The following MKLN1 variants were observed in gnomAD, a reference collection of about 807,000 sequenced individuals.
MKLN1 encodes the protein muskelin 1, also known as muskelin.
In MKLN1, 18 loss-of-function variants were observed where a neutral mutation model predicts 99.0. The observed-to-expected ratio is 0.18, with a 90% CI of 0.13 to 0.27. The LOEUF (loss-of-function observed/expected upper bound fraction) is 0.27. MKLN1 is among the 10% of genes least tolerant of loss of function. MKLN1 has a pLI of 1.00. For missense variants in MKLN1, 621 were observed against 875.9 expected, an observed-to-expected ratio of 0.71 and a Z score of 3.67; for synonymous variants, 288 against 293.2, an observed-to-expected ratio of 0.98 and a Z score of 0.18.
chr7:131,414,760 C>A, intron 8 of MKLN1, 50 bp downstream of exon 8: 2 of 1,105,100 alleles, frequency 1.8e-6, no homozygotes, highest in South Asian at 1.6e-5. Flanking sequence ...CTACAGGCAT[C>A]GTCTAAACCA....
intron 3 of MKLN1, among the ~76,000 whole-genome samples, chr7:131,282,591 A>C (rs1236273648): frequency 6.6e-6 from 1 of 152,058 alleles, no homozygotes. Flanking sequence ...AGGAGGAGGG[A>C]TCTGAGCTGG....
intron 2 of MKLN1, among the ~76,000 whole-genome samples, chr7:131,201,273 G>A (rs1440365445): frequency 6.6e-6 from 1 of 152,110 alleles, no homozygotes; most frequent in Non-Finnish European, 1.5e-5. Context: ...ACCTGCCTCG[G>A]CCTCCCAAAG....
At chr7:131,450,765 C>A (rs367901038) in intron 12 of MKLN1, among the ~76,000 whole-genome samples, 210 of 152,234 alleles carry the variant, frequency 1.4e-3, no homozygotes, top group Non-Finnish European at 2.6e-3. Flanking sequence ...AGATCGTTGT[C>A]GCCCAAAATT....
chr7:131,207,448 T>G (rs1287368177), intron 3 of MKLN1, among the ~76,000 whole-genome samples: 2 of 152,174 alleles, frequency 1.3e-5, no homozygotes, highest in Non-Finnish European at 2.9e-5. Context: ...TCCGCCCACC[T>G]CGGCCTCCCA....
chr7:131,158,364 G>A (rs1328054846), intron 2 of MKLN1, among the ~76,000 whole-genome samples: 1 of 152,174 alleles, frequency 6.6e-6, no homozygotes, highest in African/African-American at 2.4e-5. Context: ...AACCTGGGAG[G>A]CAGATGTTGC....
intron 6 of MKLN1, among the ~76,000 whole-genome samples, chr7:131,401,816 T>C (rs76531133): frequency 0.016 from 2,415 of 152,018 alleles, 53 homozygotes; most frequent in African/African-American, 0.054. Flanking sequence ...ATTATTTCTT[T>C]AAAAAAAATG....
intron 6 of MKLN1, among the ~76,000 whole-genome samples, chr7:131,407,424 T>G (rs532429717): frequency 1.1e-4 from 16 of 152,098 alleles, no homozygotes; most frequent in African/African-American, 3.8e-4. Flanking sequence ...CTTTAAAAAA[T>G]TCATTTCTTT....
intron 3 of MKLN1, among the ~76,000 whole-genome samples, chr7:131,260,968 CT>C (rs1277343973): frequency 6.6e-6 from 1 of 152,122 alleles, no homozygotes; most frequent in Non-Finnish European, 1.5e-5. Flanking sequence ...TGGACTCCTT[CT>C]TTATATTGTA....
chr7:131,312,465 A>G (rs75692471), intron 3 of MKLN1, among the ~76,000 whole-genome samples: 74 of 152,342 alleles, frequency 4.9e-4, no homozygotes, highest in Non-Finnish European at 7.3e-4. Context: ...AATTTTTAGA[A>G]AAGTTAATAA....
intron 2 of MKLN1, among the ~76,000 whole-genome samples, chr7:131,192,290 A>G: frequency 2.4e-5 from 2 of 83,580 alleles, no homozygotes; most frequent in African/African-American, 1.1e-4. Flanking sequence ...TATATAATAT[A>G]TACAATATAT....
At chr7:131,197,378 T>TTTATTATTA (rs139892490) in intron 2 of MKLN1, among the ~76,000 whole-genome samples, 26 of 139,264 alleles carry the variant, frequency 1.9e-4, no homozygotes, top group East Asian at 4.2e-4. Context: ...TAATTAAAAT[T>TTTATTATTA]TTATTATTAT....
intron 3 of MKLN1, among the ~76,000 whole-genome samples, chr7:131,295,930 A>T (rs1413495317): frequency 1.3e-5 from 2 of 151,946 alleles, no homozygotes; most frequent in African/African-American, 4.8e-5. Flanking sequence ...ACTTAGCTTC[A>T]TTAGTGCTTA....
chr7:131,439,320 C>T (rs1795760843), intron 10 of MKLN1, among the ~76,000 whole-genome samples: 1 of 151,622 alleles, frequency 6.6e-6, no homozygotes. Flanking sequence ...AAAAGAATAG[C>T]TTAGGAGTAG....
At chr7:131,192,369 A>G (rs1448455796) in intron 2 of MKLN1, among the ~76,000 whole-genome samples, 1 of 110,578 alleles carries the variant, frequency 9.0e-6, no homozygotes. Flanking sequence ...ATATAAATAT[A>G]TAAAATATAA....
intron 3 of MKLN1, among the ~76,000 whole-genome samples, chr7:131,304,107 C>T (rs1798419211): frequency 6.6e-6 from 1 of 152,178 alleles, no homozygotes; most frequent in African/African-American, 2.4e-5. Context: ...GGCACAGTGA[C>T]TCATGCCAGT....
chr7:131,174,921 C>T (rs1187369110), intron 2 of MKLN1, among the ~76,000 whole-genome samples: 2 of 151,980 alleles, frequency 1.3e-5, no homozygotes, highest in African/African-American at 4.8e-5. Flanking sequence ...TTCTCTCCTC[C>T]CCACTTGTCT....
At chr7:131,363,058 A>G (rs902902007) in intron 1 of MKLN1, among the ~76,000 whole-genome samples, 5 of 152,012 alleles carry the variant, frequency 3.3e-5, no homozygotes, top group African/African-American at 7.2e-5. Flanking sequence ...ATTTTTATCT[A>G]TTACAACATC....
intron 1 of MKLN1, among the ~76,000 whole-genome samples, chr7:131,338,425 G>A (rs992747507): frequency 6.6e-6 from 1 of 152,162 alleles, no homozygotes; most frequent in Non-Finnish European, 1.5e-5. Context: ...TAAAGAAATA[G>A]GTGACATGTC....
rs185670802 is a variant in MKLN1, at chr7:131,293,513, A to T, written c.-178-81911A>T. 2.2e-3 allele frequency among the ~76,000 whole-genome samples: 328 copies of T among 152,356 alleles called. 3 individuals carry two copies. Among genetic ancestry groups the T allele is most frequent in the African/African-American group, 7.4e-3 (309 of 41,584 alleles). On this transcript the variant is annotated intron_variant, in intron 3 of 7. Transcript: ENST00000416992. ...GCAAAACAACTGGACTAGATGCTAC[A>T]AAAGAGTAAGTGCCTGGCAGGGCAC... is the stretch of plus-strand genomic sequence containing the variant.
Sources: allele counts gnomAD v4.1 joint callset (sites outside exome capture counted in the v4.1 genomes callset), GRCh38; gene constraint gnomAD v4.1.1; transcripts MANE v1.5; gene names NCBI Gene and HGNC (gene_info 2026-07-23, HGNC 2026-07-21).